Variants in PTPRD observed in about 807,000 individuals in gnomAD.
PTPRD encodes receptor-type tyrosine-protein phosphatase delta.
PTPRD carries 34 observed loss-of-function variants against 214.5 expected under a neutral mutation model. The observed-to-expected ratio is 0.16, with a 90% CI of 0.12 to 0.21. The LOEUF (loss-of-function observed/expected upper bound fraction) is 0.21. Among genes scored for constraint, PTPRD ranks in the 10% least tolerant of loss-of-function variants. PTPRD has a pLI of 1.00. For missense variants in PTPRD, 2,545 were observed against 2,398.7 expected (o/e 1.06, Z -1.27); for synonymous variants, 1,128 against 845.7 (o/e 1.33, Z -5.79).
chr9:8,680,271 AG>A (rs2097526223), intron 12 of PTPRD, among the ~76,000 whole-genome samples: 1 of 152,188 alleles, frequency 6.6e-6, no homozygotes, highest in African/African-American at 2.4e-5. Context: ...AAGAACCCAC[AG>A]TTTTCAATGA....
At chr9:10,411,736 A>C (rs1317610208) in intron 2 of PTPRD, among the ~76,000 whole-genome samples, 3 of 151,772 alleles carry the variant, frequency 2.0e-5, no homozygotes, top group Admixed American at 6.6e-5. Context: ...ATATTAGTTT[A>C]ATAGGACTTT....
chr9:10,575,034 T>A (rs1022435811), intron 2 of PTPRD, among the ~76,000 whole-genome samples: 2 of 151,936 alleles, frequency 1.3e-5, no homozygotes, highest in Non-Finnish European at 2.9e-5. Flanking sequence ...AAACTACTTT[T>A]AATGTATGAG....
intron 7 of PTPRD, among the ~76,000 whole-genome samples, chr9:9,670,149 A>T (rs148376620): frequency 5.0e-4 from 76 of 152,294 alleles, no homozygotes; most frequent in African/African-American, 1.5e-3. Context: ...TGTTGAACAA[A>T]GAGTAAATAT....
intron 9 of PTPRD, among the ~76,000 whole-genome samples, chr9:9,369,069 T>A (rs1352050633): frequency 1.3e-5 from 2 of 152,088 alleles, no homozygotes; most frequent in African/African-American, 4.8e-5. Context: ...GCTTCATCCA[T>A]GTCCCTACAA....
chr9:8,554,563 T>C (rs972433869), intron 14 of PTPRD, among the ~76,000 whole-genome samples: 3 of 152,170 alleles, frequency 2.0e-5, no homozygotes, highest in Non-Finnish European at 4.4e-5. Context: ...ACAGAGGCCA[T>C]ACTAAGTCCA....
At chr9:10,010,664 C>G (rs896950851) in intron 4 of PTPRD, among the ~76,000 whole-genome samples, 4 of 151,808 alleles carry the variant, frequency 2.6e-5, no homozygotes, top group African/African-American at 9.7e-5. Context: ...CCAACTTCTA[C>G]TCTTTCACAC....
intron 4 of PTPRD, among the ~76,000 whole-genome samples, chr9:9,958,914 T>C (rs1356986086): frequency 5.9e-5 from 9 of 152,154 alleles, no homozygotes; most frequent in South Asian, 2.1e-4. Context: ...GAATACAAAA[T>C]GGTACAGCCA....
chr9:10,096,287 C>G (rs1340421172), intron 3 of PTPRD, among the ~76,000 whole-genome samples: 1 of 151,692 alleles, frequency 6.6e-6, no homozygotes, highest in Non-Finnish European at 1.5e-5. Flanking sequence ...AAAACTGAAT[C>G]TGTAGAACAA....
chr9:10,149,112 A>G (rs1378770559), intron 3 of PTPRD, among the ~76,000 whole-genome samples: 1 of 152,180 alleles, frequency 6.6e-6, no homozygotes, highest in African/African-American at 2.4e-5. Context: ...TATTATGACC[A>G]TGTAGAAACT....
chr9:10,603,082 G>T (rs1283435758), intron 2 of PTPRD, among the ~76,000 whole-genome samples: 4 of 151,734 alleles, frequency 2.6e-5, no homozygotes, highest in Non-Finnish European at 5.9e-5. Flanking sequence ...AAAATCTGAC[G>T]CCAAGAGGCT....
At chr9:9,639,093 T>A (rs2095858577) in intron 7 of PTPRD, among the ~76,000 whole-genome samples, 1 of 152,194 alleles carries the variant, frequency 6.6e-6, no homozygotes, top group South Asian at 2.1e-4. Flanking sequence ...CCATAGCAAA[T>A]CTCGAATCCT....
chr9:9,581,013 G>A (rs1162584112), intron 7 of PTPRD, among the ~76,000 whole-genome samples: 3 of 152,024 alleles, frequency 2.0e-5, no homozygotes, highest in Admixed American at 2.0e-4. Context: ...TTTTAAAGGG[G>A]AGGACATGTG....
chr9:8,441,715 G>T (rs1303664215), intron 34 of PTPRD, among the ~76,000 whole-genome samples: 1 of 152,102 alleles, frequency 6.6e-6, no homozygotes, highest in Non-Finnish European at 1.5e-5. Flanking sequence ...TCCCCTATGG[G>T]TTCATCTACC....
intron 4 of PTPRD, among the ~76,000 whole-genome samples, chr9:9,942,665 G>A (rs975608789): frequency 6.6e-6 from 1 of 151,998 alleles, no homozygotes; most frequent in African/African-American, 2.4e-5. Context: ...AATCTTACAG[G>A]TGAAAAGTTT....
chr9:10,260,360 A>G (rs1446444019), intron 3 of PTPRD, among the ~76,000 whole-genome samples: 1 of 152,140 alleles, frequency 6.6e-6, no homozygotes, highest in Non-Finnish European at 1.5e-5. Flanking sequence ...TTTTATCAGT[A>G]ACTCACACTC....
At chr9:10,037,268 G>A (rs1184351200) in intron 3 of PTPRD, among the ~76,000 whole-genome samples, 2 of 152,074 alleles carry the variant, frequency 1.3e-5, no homozygotes, top group African/African-American at 4.8e-5. Flanking sequence ...CTCAATGTTG[G>A]AGGTGGGGCC....
intron 12 of PTPRD, among the ~76,000 whole-genome samples, chr9:8,718,269 C>G (rs1264731278): frequency 6.6e-6 from 1 of 152,118 alleles, no homozygotes; most frequent in Admixed American, 6.5e-5. Context: ...ATTCCCTGCC[C>G]AGTAGGGGTG....
intron 11 of PTPRD, among the ~76,000 whole-genome samples, chr9:8,878,952 C>T (rs936197878): frequency 1.3e-5 from 2 of 152,216 alleles, no homozygotes; most frequent in African/African-American, 4.8e-5. Flanking sequence ...CTCACCCAAG[C>T]TACAGTTGGT....
At chr9:9,661,549 A>G (rs2096622292) in intron 7 of PTPRD, among the ~76,000 whole-genome samples, 1 of 151,798 alleles carries the variant, frequency 6.6e-6, no homozygotes, top group African/African-American at 2.4e-5. Context: ...AATACTTATG[A>G]CTTACTCTAC....
Sources: gnomAD v4.1 joint callset for allele counts (sites outside exome capture counted in the v4.1 genomes callset) on GRCh38, gnomAD v4.1.1 for gene constraint, MANE v1.5 for transcripts, NCBI Gene and HGNC (gene_info 2026-07-23, HGNC 2026-07-21) for gene names.